HEBP2: variants seen among roughly 807,000 people sequenced by gnomAD.
HEBP2 encodes heme-binding protein 2.
A neutral mutation model predicts 23.1 loss-of-function variants in HEBP2; 27 were observed. That is an observed-to-expected ratio of 1.17 (90% confidence interval 0.86 to 1.61). The LOEUF is 1.61. Among genes scored for constraint, HEBP2 ranks in the 40% most tolerant of loss-of-function variants. The pLI is 0.00. For missense variants in HEBP2, 245 were observed against 253.8 expected, an observed-to-expected ratio of 0.97 and a Z score of 0.24; for synonymous variants, 99 against 95.1, an observed-to-expected ratio of 1.04 and a Z score of -0.24.
In HEBP2 at chr6:138,409,499, C is replaced by T. The variant is rs146306519; in HGVS notation, c.419+3348C>T. On this transcript the variant is annotated intron_variant, in intron 3 of 3. Coordinates refer to ENST00000607197, the MANE Select transcript of HEBP2 (RefSeq NM_014320.3). ...ACCGCACTAAGTCATCTTTGTGTAC[C>T]CCAGTTCTTGGCACAAGCCTGACAT... 1.8e-4 allele frequency among the ~76,000 whole-genome samples: 28 copies of T among 152,292 alleles called. No homozygotes were observed. The East Asian group carries it at 5.2e-3, about 28-fold the overall frequency.
chr6:138,421,866 C>T lies in HEBP2; in HGVS notation c.*8788C>T, dbSNP rs1774945955. The T allele has an allele frequency of 6.6e-6, 1 of 152,140 alleles. No individual in the cohort carries two copies. Among genetic ancestry groups the T allele is most frequent in the African/African-American group, 2.4e-5 (1 of 41,414 alleles). 9.4% of individuals were successfully genotyped at this position (152,140 alleles called of 1,614,324 possible). ...TTCCACGTGCCCTTGTAGATGGTGCCATCCAGTGTCTGTGATGTTCCACCT... is the reference window on the plus strand; with the variant it reads ...TTCCACGTGCCCTTGTAGATGGTGCTATCCAGTGTCTGTGATGTTCCACCT... On this transcript the variant is annotated 3_prime_UTR_variant, in exon 4 of 4. Transcript: ENST00000607197.
At chr6:138,412,554 A>G (rs576448452) in intron 3 of HEBP2, among the ~76,000 whole-genome samples, 21 of 152,270 alleles carry the variant, frequency 1.4e-4, no homozygotes, top group African/African-American at 4.8e-4. Context: ...CCCAGGTTCA[A>G]GCGATTCTCC....
At chr6:138,404,898 G>GA (rs2114762578) in intron 1 of HEBP2, among the ~76,000 whole-genome samples, 1 of 152,280 alleles carries the variant, frequency 6.6e-6, no homozygotes, top group South Asian at 2.1e-4. Context: ...ATGCTTGTCT[G>GA]AAAGTGTGAA....
Position 138,404,494 on chromosome 6 carries a change from C to T in HEBP2, c.-2C>T, listed in dbSNP as rs1405119353. The T allele has an allele frequency of 7.8e-7, 1 of 1,284,498 alleles. No homozygotes were observed. The highest frequency in any genetic ancestry group is 9.8e-7 in the Non-Finnish European group (1 of 1,016,748). The allele number at this position is 1,284,498 out of a possible 1,614,324, so 79.6% of individuals were successfully genotyped here. ...CAGGCTCCCAGAGCGTCAGCGCCGCCCATGGCCGAGCCGCTCCAGCCAGAC... is the reference window on the plus strand; with the variant it reads ...CAGGCTCCCAGAGCGTCAGCGCCGCTCATGGCCGAGCCGCTCCAGCCAGAC... On this transcript the variant is annotated 5_prime_UTR_variant, in exon 1 of 4. Transcript: ENST00000607197.
At position 138,408,515 on chromosome 6, in the gene HEBP2, A is replaced by G. The variant is rs1360322510; in HGVS notation, c.419+2364A>G. Among the ~76,000 whole-genome samples, 5 of 151,918 alleles carry G rather than the reference A, an allele frequency of 3.3e-5. No homozygotes were observed. The East Asian group carries it at 9.7e-4, about 29-fold the overall frequency. On this transcript the variant is annotated intron_variant, in intron 3 of 3. Coordinates refer to ENST00000607197, the MANE Select transcript of HEBP2 (RefSeq NM_014320.3). The stretch of plus-strand genomic sequence containing the variant: ...CTTATGAGAATGGCCTTTACCGCAA[A>G]TCACCATGATCTGGTATGACTCCCA...
At position 138,404,578 on chromosome 6, in the gene HEBP2, C is replaced by G. The variant is rs377430480; in HGVS notation, c.83C>G (p.Pro28Arg). Residue 28 changes from proline to arginine, a missense_variant, in exon 1 of 4, where the codon CCG (proline) becomes CGG (arginine). Physicochemically the swap from Pro to Arg is moderately radical, Grantham distance 103 (BLOSUM62 -2). Coordinates refer to ENST00000607197, the MANE Select transcript of HEBP2 (RefSeq NM_014320.3). ...GTGGAGACGCCGGGCTGGAAGGCCC[C>G]GGAGGACGCCGGCCCCCAGGTAGGC... The part of the protein sequence containing the change: ...QAVETPGWKA[P>R]EDAGPQPGSY... 4.4e-4 allele frequency: 576 copies of G among 1,301,404 alleles called. 2 individuals are homozygous for G. In the African/African-American group the frequency reaches 8.0e-3, roughly 18 times the overall value. The allele number at this position is 1,301,404 out of a possible 1,614,324, so 80.6% of individuals were successfully genotyped here.
chr6:138,413,110 C>G lies in HEBP2; in HGVS notation c.*32C>G. On this transcript the variant is annotated 3_prime_UTR_variant, in exon 4 of 4. Transcript: ENST00000607197. ...TGAAAGGAAGTTCTGCTGTCAGAGGCAAAACATCTGTTTATCATAGACATC... is the reference window on the plus strand; with the variant it reads ...TGAAAGGAAGTTCTGCTGTCAGAGGGAAAACATCTGTTTATCATAGACATC... The G allele has an allele frequency of 2.6e-6, 4 of 1,539,848 alleles. No individual in the cohort carries two copies. The highest frequency in any genetic ancestry group is 3.6e-6 in the Non-Finnish European group (4 of 1,114,200).
At chr6:138,411,945 A>C (rs921190396) in intron 3 of HEBP2, 8 of 365,062 alleles carry the variant, frequency 2.2e-5, no homozygotes, top group African/African-American at 4.4e-5. Flanking sequence ...CTGTCTCAAA[A>C]AAACAAACAA....
In HEBP2 at chr6:138,417,052, C is replaced by G. The variant is rs764130864; in HGVS notation, c.*3974C>G. The G allele has an allele frequency of 1.3e-5, 2 of 152,188 alleles. No individual in the cohort carries two copies. The highest frequency in any genetic ancestry group is 2.9e-5 in the Non-Finnish European group (2 of 68,040). 9.4% of individuals were successfully genotyped at this position (152,188 alleles called of 1,614,324 possible). A position where few individuals can be genotyped will look rare whatever the true frequency, so the allele number is the denominator to read the frequency against. On this transcript the variant is annotated 3_prime_UTR_variant, in exon 4 of 4. Transcript: ENST00000607197. ...GGGAAAGAGGAATACCTGGATACGT[C>G]AGGGTCCAAGTTAACGTCTGATACC... is the stretch of plus-strand genomic sequence containing the variant.
In HEBP2 at chr6:138,408,359, T is replaced by C. The variant is rs549406496; in HGVS notation, c.419+2208T>C. Among the ~76,000 whole-genome samples the C allele has an allele frequency of 3.3e-5, 5 of 152,344 alleles. No homozygotes were observed. The South Asian group carries it at 1.0e-3, about 32-fold the overall frequency. ...TGCTTAGAAAATGTTCAGCCAAATA[T>C]CCTATTTCATAACTCACAAGTTGTA... On this transcript the variant is annotated intron_variant, in intron 3 of 3. Coordinates refer to ENST00000607197, the MANE Select transcript of HEBP2 (RefSeq NM_014320.3).
chr6:138,410,676 G>A (rs1314135832), intron 3 of HEBP2, among the ~76,000 whole-genome samples: 1 of 152,016 alleles, frequency 6.6e-6, no homozygotes, highest in Non-Finnish European at 1.5e-5. Context: ...AGTAGAGACG[G>A]GGTTTCACCA....
rs368095832 is a variant in HEBP2, at chr6:138,406,001, C to T, written c.269C>T (p.Thr90Ile). ...AAAATAAAGATGACAGCTCCAGTGA[C>T]AAGCTACGTGGAGCCTGGTTCAGGT... ...EMKIKMTAPV[T>I]SYVEPGSGPF... The change falls in exon 3 of 4, where the codon ACA (threonine) becomes ATA (isoleucine). Residue 90 changes from threonine to isoleucine, a missense_variant. By Grantham distance (89) the Thr-to-Ile change is moderately conservative (BLOSUM62 -1). Transcript: ENST00000607197. The T allele has an allele frequency of 4.3e-6, 7 of 1,613,128 alleles. No homozygotes were observed. The highest frequency in any genetic ancestry group is 1.3e-5 in the African/African-American group (1 of 74,912).
chr6:138,411,116 G>A (rs987048134), intron 3 of HEBP2, among the ~76,000 whole-genome samples: 6 of 152,166 alleles, frequency 3.9e-5, no homozygotes, highest in African/African-American at 9.7e-5. Flanking sequence ...GTTTCTCAGT[G>A]TTTCTTATTC....
At chr6:138,409,688 C>T (rs963424228) in intron 3 of HEBP2, among the ~76,000 whole-genome samples, 4 of 152,306 alleles carry the variant, frequency 2.6e-5, no homozygotes, top group African/African-American at 7.2e-5. Context: ...CCAAAATCTC[C>T]GTTGGATTCC....
chr6:138,420,908 T>TTCTA lies in HEBP2; in HGVS notation c.*7834_*7837dup, dbSNP rs1394061430. ...CCCTCACTGATAGCTCAACCACGTT[T>TTCTA]TCTATCTTTGGGCCTCCTTGTCTTT... On this transcript the variant is annotated 3_prime_UTR_variant, in exon 4 of 4. Transcript: ENST00000607197. The TTCTA allele has an allele frequency of 1.3e-5, 2 of 152,216 alleles. No individual in the cohort carries two copies. The highest frequency in any genetic ancestry group is 1.3e-4 in the Admixed American group (2 of 15,280). 9.4% of individuals were successfully genotyped at this position (152,216 alleles called of 1,614,324 possible). A position where few individuals can be genotyped will look rare whatever the true frequency, so the allele number is the denominator to read the frequency against.
intron 3 of HEBP2, among the ~76,000 whole-genome samples, chr6:138,410,733 G>T (rs80265037): frequency 0.078 from 11,854 of 152,126 alleles, 558 homozygotes; most frequent in African/African-American, 0.14. Flanking sequence ...TGATCCACCC[G>T]CCTTGGCTTC....
intron 3 of HEBP2, among the ~76,000 whole-genome samples, chr6:138,407,263 A>G (rs1462753630): frequency 1.3e-5 from 2 of 152,218 alleles, no homozygotes; most frequent in East Asian, 3.8e-4. Flanking sequence ...CCCTCCATCT[A>G]TGAACCTGTG....
Position 138,404,412 on chromosome 6 carries a change from C to A in HEBP2, c.-84C>A. On this transcript the variant is annotated 5_prime_UTR_variant, in exon 1 of 4. Coordinates refer to ENST00000607197, the MANE Select transcript of HEBP2 (RefSeq NM_014320.3). ...GCGGAGCGGGGACTCGGGGCCTCGG[C>A]GGGGCGCGCACACGCAGGCGGGGCG... is the stretch of plus-strand genomic sequence containing the variant. 1 of 946,264 alleles carries A rather than the reference C, an allele frequency of 1.1e-6. No homozygotes were observed. The highest frequency in any genetic ancestry group is 1.4e-6 in the Non-Finnish European group (1 of 736,478). The allele number at this position is 946,264 out of a possible 1,614,324, so 58.6% of individuals were successfully genotyped here.
Position 138,419,944 on chromosome 6 carries a change from A to G in HEBP2, c.*6866A>G, listed in dbSNP as rs1365406308. ...ACTTTGGACTCTGTGTTCAGGGACCAGTAGGCAAGAAGTCACCATCTAGTC... is the reference window on the plus strand; with the variant it reads ...ACTTTGGACTCTGTGTTCAGGGACCGGTAGGCAAGAAGTCACCATCTAGTC... On this transcript the variant is annotated 3_prime_UTR_variant, in exon 4 of 4. Coordinates refer to ENST00000607197, the MANE Select transcript of HEBP2 (RefSeq NM_014320.3). The G allele has an allele frequency of 3.3e-5, 5 of 152,290 alleles. No individual in the cohort carries two copies. The highest frequency in any genetic ancestry group is 9.6e-5 in the African/African-American group (4 of 41,472). 9.4% of individuals were successfully genotyped at this position (152,290 alleles called of 1,614,324 possible).
Sources: gnomAD v4.1 joint callset for allele counts (sites outside exome capture counted in the v4.1 genomes callset) on GRCh38, gnomAD v4.1.1 for gene constraint, MANE v1.5 for transcripts, NCBI Gene and HGNC (gene_info 2026-07-23, HGNC 2026-07-21) for gene names.